The following PKHD1L1 variants were observed in gnomAD, a reference collection of about 807,000 sequenced individuals.
The protein encoded by PKHD1L1 is fibrocystin-L.
A neutral mutation model predicts 462.9 loss-of-function variants in PKHD1L1; 434 were observed. The ratio of observed to expected loss-of-function variants is 0.94; its 90% CI spans 0.87 to 1.02. The LOEUF is 1.02. PKHD1L1 is among the 50% of genes least tolerant of loss of function. The pLI is 0.00. For synonymous variants in PKHD1L1, 1,781 were observed against 1,750.0 expected, an observed-to-expected ratio of 1.02 and a Z score of -0.44; for missense variants, 5,202 against 5,096.1, an observed-to-expected ratio of 1.02 and a Z score of -0.63.
intron 57 of PKHD1L1, among the ~76,000 whole-genome samples, chr8:109,483,640 T>A (rs1026862384): frequency 6.6e-6 from 1 of 150,540 alleles, no homozygotes; most frequent in East Asian, 1.9e-4. Flanking sequence ...AGTCATATTT[T>A]ATGCCAATGT....
rs552356632 is a variant in PKHD1L1, at chr8:109,368,170, T to C, written c.163+3534T>C. On this transcript the variant is annotated intron_variant, in intron 2 of 77. Transcript: ENST00000378402. ...ATATTTATCATGTTGGTTTTTATTTTAAAAAATCAGTAAGATGGGAGAAAT... is the reference window on the plus strand; with the variant it reads ...ATATTTATCATGTTGGTTTTTATTTCAAAAAATCAGTAAGATGGGAGAAAT... 2.0e-3 allele frequency among the ~76,000 whole-genome samples: 305 copies of C among 152,354 alleles called. 2 individuals carry two copies. The highest frequency in any genetic ancestry group is 7.1e-3 in the African/African-American group (297 of 41,584).
intron 2 of PKHD1L1, among the ~76,000 whole-genome samples, chr8:109,366,435 A>G (rs1023216989): frequency 6.6e-5 from 10 of 152,208 alleles, no homozygotes; most frequent in Non-Finnish European, 1.5e-4. Flanking sequence ...GCGGTCATTG[A>G]GAACTGGGAA....
intron 8 of PKHD1L1, among the ~76,000 whole-genome samples, chr8:109,389,521 T>A (rs1812610599): frequency 6.7e-6 from 1 of 150,282 alleles, no homozygotes; most frequent in Non-Finnish European, 1.5e-5. Context: ...TGTGTGTGTG[T>A]GTGTGTGTGT....
At chr8:109,363,428 G>C (rs1811079570) in intron 1 of PKHD1L1, among the ~76,000 whole-genome samples, 1 of 152,194 alleles carries the variant, frequency 6.6e-6, no homozygotes, top group Non-Finnish European at 1.5e-5. Flanking sequence ...TATAGGTGAA[G>C]TCCACTCTAA....
chr8:109,534,485 T>C lies in PKHD1L1; in HGVS notation c.*4395T>C, dbSNP rs1281012270. On this transcript the variant is annotated 3_prime_UTR_variant, in exon 78 of 78. Coordinates refer to ENST00000378402, the MANE Select transcript of PKHD1L1 (RefSeq NM_177531.6). ...TCAAAAAAAAAAACCCAAAAAACTT[T>C]AATCTGAATCCATTATGTGTTGGGT... 1.3e-5 allele frequency among the ~76,000 whole-genome samples: 2 copies of C among 151,960 alleles called. No homozygotes were observed. Among genetic ancestry groups the C allele is most frequent in the African/African-American group, 2.4e-5 (1 of 41,408 alleles).
rs1812550319 is a variant in PKHD1L1 at position 109,388,549 on chromosome 8, T to C, written c.622T>C (p.Leu208=). 1.3e-6 allele frequency: 2 copies of C among 1,500,948 alleles called. No homozygotes were observed. Among genetic ancestry groups the C allele is most frequent in the Middle Eastern group, 3.4e-4 (2 of 5,874 alleles). 93.0% of individuals were successfully genotyped at this position (1,500,948 alleles called of 1,614,324 possible). A position where few individuals can be genotyped will look rare whatever the true frequency, so the allele number is the denominator to read the frequency against. Residue 208 remains leucine (L), a splice_region_variant and synonymous_variant, in exon 7 of 78, where the codon TTA becomes CTA. Transcript: ENST00000378402. ...CELLIPQSDN[L]YGLKLDHPNG... ...GCTTCTCATACCACAATCTGATAAT[T>C]TGTAAGTAATTCAAATTATTTTCTT...
intron 65 of PKHD1L1, among the ~76,000 whole-genome samples, chr8:109,497,684 A>C (rs1783160): frequency 0.48 from 73,610 of 151,778 alleles, 19,549 homozygotes; most frequent in African/African-American, 0.7. Context: ...CATCGGCCTC[A>C]CAAAGTGCTG....
Position 109,441,279 on chromosome 8 carries a change from C to T in PKHD1L1, c.4104C>T (p.Ser1368=), listed in dbSNP as rs1268926647. 5 of 1,558,152 alleles carry T rather than the reference C, an allele frequency of 3.2e-6. No individual in the cohort carries two copies. Among genetic ancestry groups the T allele is most frequent in the Non-Finnish European group, 4.4e-6 (5 of 1,145,186 alleles). ...TGCAGTATTTATTCTTTCTAGGGTC[C>T]ATCCCTTGCAATGTTACATCATCAT... ...IPAENTVLLG[S]IPCNVTSSSE... is the part of the protein sequence containing the mutation. Residue 1368 remains serine (S), a synonymous_variant, in exon 34 of 78, where the codon TCC becomes TCT. Transcript: ENST00000378402.
At chr8:109,496,106 A>G (rs1375424043) in intron 63 of PKHD1L1, among the ~76,000 whole-genome samples, 1 of 152,212 alleles carries the variant, frequency 6.6e-6, no homozygotes, top group African/African-American at 2.4e-5. Flanking sequence ...TAATGCATAC[A>G]CCAATTGTTA....
chr8:109,418,652 G>A (rs893143008), intron 21 of PKHD1L1, among the ~76,000 whole-genome samples: 1 of 152,118 alleles, frequency 6.6e-6, no homozygotes, highest in Non-Finnish European at 1.5e-5. Context: ...TGCTGCTCCA[G>A]GGAACTTCCC....
At chr8:109,440,180 T>A (rs542701633) in intron 32 of PKHD1L1, among the ~76,000 whole-genome samples, 19 of 152,048 alleles carry the variant, frequency 1.2e-4, no homozygotes, top group Non-Finnish European at 2.1e-4. Context: ...TTTGATGGCC[T>A]CCTAGCAGAT....
At chr8:109,496,679 G>A (rs576390275) in intron 63 of PKHD1L1, among the ~76,000 whole-genome samples, 1 of 152,314 alleles carries the variant, frequency 6.6e-6, no homozygotes, top group South Asian at 2.1e-4. Context: ...GATGGCTTGA[G>A]TTTGAGACGA....
At chr8:109,437,472 T>A (rs1335269270) in intron 30 of PKHD1L1, among the ~76,000 whole-genome samples, 1 of 150,026 alleles carries the variant, frequency 6.7e-6, no homozygotes, top group Non-Finnish European at 1.5e-5. Context: ...TAGGTATATC[T>A]CCTAATGCTA....
chr8:109,394,138 C>T (rs1563732893), intron 9 of PKHD1L1, among the ~76,000 whole-genome samples: 1 of 133,838 alleles, frequency 7.5e-6, no homozygotes, highest in Non-Finnish European at 1.5e-5. Flanking sequence ...TGCACCACTG[C>T]ACTCCAGCCT....
intron 72 of PKHD1L1, among the ~76,000 whole-genome samples, chr8:109,516,457 C>A (rs750861364): frequency 6.6e-5 from 10 of 152,002 alleles, no homozygotes; most frequent in Non-Finnish European, 1.5e-4. Flanking sequence ...ATCATGAGGT[C>A]TCCCCCTTCA....
At chr8:109,433,342 T>A in intron 28 of PKHD1L1, 126 bp downstream of exon 28, 1 of 843,172 alleles carries the variant, frequency 1.2e-6, no homozygotes, top group Non-Finnish European at 1.9e-6. Context: ...ATTATCATGA[T>A]CCCTATGGGG....
chr8:109,411,156 A>G (rs1813840064), intron 19 of PKHD1L1, among the ~76,000 whole-genome samples: 1 of 152,260 alleles, frequency 6.6e-6, no homozygotes, highest in South Asian at 2.1e-4. Context: ...GCTTCTCGAC[A>G]TAACACTCTG....
chr8:109,419,361 C>T, intron 22 of PKHD1L1, 101 bp downstream of exon 22: 26 of 834,282 alleles, frequency 3.1e-5, no homozygotes, highest in Non-Finnish European at 4.3e-5. Flanking sequence ...ACATTAATAT[C>T]TAAATATTAA....
intron 35 of PKHD1L1, among the ~76,000 whole-genome samples, chr8:109,442,627 AC>A (rs1270706000): frequency 3.3e-5 from 5 of 152,006 alleles, no homozygotes; most frequent in African/African-American, 4.8e-5. Flanking sequence ...AAGATTTTGA[AC>A]CTTTCACTCA....
Sources: gnomAD v4.1 joint callset for allele counts (sites outside exome capture counted in the v4.1 genomes callset) on GRCh38, gnomAD v4.1.1 for gene constraint, MANE v1.5 for transcripts, NCBI Gene and HGNC (gene_info 2026-07-23, HGNC 2026-07-21) for gene names.